The following SGK3 variants were observed in gnomAD, a reference collection of about 807,000 sequenced individuals.
The protein encoded by SGK3 is serine/threonine-protein kinase Sgk3.
SGK3 carries 47 observed loss-of-function variants against 68.5 expected under a neutral mutation model. The observed-to-expected ratio is 0.69, with a 90% CI of 0.54 to 0.87. SGK3 has a LOEUF of 0.87. Among genes scored for constraint, SGK3 ranks in the 40% least tolerant of loss-of-function variants. The pLI is 0.00. For missense variants in SGK3, 479 were observed against 575.5 expected (o/e 0.83, Z 1.72); for synonymous variants, 181 against 189.1 (o/e 0.96, Z 0.35).
intron 5 of SGK3, among the ~76,000 whole-genome samples, chr8:66,820,428 C>T (rs1808765114): frequency 6.6e-6 from 1 of 152,116 alleles, no homozygotes; most frequent in Admixed American, 6.6e-5. Context: ...ATGGATAACA[C>T]CACATTTTGT....
intron 5 of SGK3, among the ~76,000 whole-genome samples, chr8:66,818,278 A>G (rs968829203): frequency 3.0e-4 from 46 of 152,240 alleles, no homozygotes; most frequent in African/African-American, 1.1e-3. Flanking sequence ...TTGACACACC[A>G]AAACAAAACA....
intron 14 of SGK3, among the ~76,000 whole-genome samples, chr8:66,844,030 T>A (rs2130732278): frequency 6.6e-6 from 1 of 151,796 alleles, no homozygotes; most frequent in East Asian, 1.9e-4. Flanking sequence ...CCCTTTTTAT[T>A]TGTTACTAGT....
chr8:66,748,885 T>TTTTATTTA lies in SGK3; in HGVS notation c.-122+36072_-122+36079dup, dbSNP rs199925799. Among the ~76,000 whole-genome samples, 1,205 of 151,748 alleles carry TTTTATTTA rather than the reference T, an allele frequency of 7.9e-3. 24 individuals carry two copies. Among genetic ancestry groups the TTTTATTTA allele is most frequent in the African/African-American group, 0.027 (1,107 of 41,198 alleles). On this transcript the variant is annotated intron_variant, in intron 1 of 16. Coordinates refer to ENST00000521198, the MANE Select transcript of SGK3 (RefSeq NM_001033578.3). ...TATTTCCTGTAAAATTCTCACTAGA[T>TTTTATTTA]TTTATTTATTTATTTATTTATTTAT...
rs77995033 is a variant in SGK3, at chr8:66,817,835, C to T, written c.329+3907C>T. Reference sequence around the variant, plus strand: ...ATTTGACTAATAAAAACTTTGTGCACGGTGGCTCATGCCTTTACTCCCAGC... The same window carrying T: ...ATTTGACTAATAAAAACTTTGTGCATGGTGGCTCATGCCTTTACTCCCAGC... On this transcript the variant is annotated intron_variant, in intron 5 of 16. Coordinates refer to ENST00000521198, the MANE Select transcript of SGK3 (RefSeq NM_001033578.3). Among the ~76,000 whole-genome samples the T allele has an allele frequency of 1.6e-3, 239 of 152,182 alleles. 2 individuals carry two copies. The highest frequency in any genetic ancestry group is 5.6e-3 in the African/African-American group (233 of 41,528).
At chr8:66,847,163 TAA>T (rs1810066517) in intron 14 of SGK3, 28 bp from the exon 15 acceptor site, 2 of 1,585,042 alleles carry the variant, frequency 1.3e-6, no homozygotes, top group Admixed American at 1.9e-5. Flanking sequence ...TGTTTACCAC[TAA>T]GTTTATTTTG....
intron 1 of SGK3, among the ~76,000 whole-genome samples, chr8:66,787,312 A>G (rs1807249554): frequency 6.6e-6 from 1 of 152,224 alleles, no homozygotes; most frequent in African/African-American, 2.4e-5. Context: ...AAGGAATAAA[A>G]ATAAATTCAA....
intron 16 of SGK3, among the ~76,000 whole-genome samples, chr8:66,856,206 T>G (rs747873641): frequency 6.6e-6 from 1 of 152,102 alleles, no homozygotes; most frequent in Non-Finnish European, 1.5e-5. Context: ...TAGCTGAGAC[T>G]ACAATAGCTG....
intron 1 of SGK3, among the ~76,000 whole-genome samples, chr8:66,788,253 G>A (rs1374888095): frequency 1.3e-5 from 2 of 152,208 alleles, no homozygotes; most frequent in African/African-American, 4.8e-5. Context: ...GTACCAAGTG[G>A]ATTACTGCTG....
intron 4 of SGK3, among the ~76,000 whole-genome samples, chr8:66,804,905 C>T (rs937095847): frequency 1.3e-5 from 2 of 151,892 alleles, no homozygotes; most frequent in African/African-American, 4.8e-5. Flanking sequence ...GCCTGGGCAA[C>T]CTCATCTCTA....
chr8:66,789,314 G>C (rs1380403031), intron 1 of SGK3, among the ~76,000 whole-genome samples: 1 of 152,092 alleles, frequency 6.6e-6, no homozygotes, highest in Non-Finnish European at 1.5e-5. Context: ...TTTGATAGTG[G>C]TACTGATTTC....
chr8:66,840,989 G>C, intron 12 of SGK3, 35 bp from the exon 13 acceptor site: 1 of 1,400,874 alleles, frequency 7.1e-7, no homozygotes, highest in Non-Finnish European at 9.7e-7. Context: ...TCATATTTAT[G>C]CATTGTTTTA....
chr8:66,757,930 T>TAC (rs1031028134), intron 1 of SGK3, among the ~76,000 whole-genome samples: 1 of 143,078 alleles, frequency 7.0e-6, no homozygotes, highest in Non-Finnish European at 1.5e-5. Context: ...AAAAAGTGTA[T>TAC]ATATATATAT....
At chr8:66,723,494 A>C (rs1412530156) in intron 1 of SGK3, among the ~76,000 whole-genome samples, 1 of 152,076 alleles carries the variant, frequency 6.6e-6, no homozygotes, top group Non-Finnish European at 1.5e-5. Flanking sequence ...CGTAAGCTGG[A>C]GTGCAGTGGT....
At chr8:66,849,439 T>C (rs914352071) in intron 15 of SGK3, among the ~76,000 whole-genome samples, 1 of 152,152 alleles carries the variant, frequency 6.6e-6, no homozygotes, top group African/African-American at 2.4e-5. Context: ...CCTGAATCTT[T>C]CCCATATCCA....
rs925394991 is a variant in SGK3, at chr8:66,826,128, A to G, written c.418-2526A>G. On this transcript the variant is annotated intron_variant, in intron 6 of 16. Coordinates refer to ENST00000521198, the MANE Select transcript of SGK3 (RefSeq NM_001033578.3). ...GCTGGGACTACAGGCGCACGCCACCACGCCAAGCTAATTTTTGTATTTTTA... is the reference window on the plus strand; with the variant it reads ...GCTGGGACTACAGGCGCACGCCACCGCGCCAAGCTAATTTTTGTATTTTTA... Among the ~76,000 whole-genome samples, 144 of 152,034 alleles carry G rather than the reference A, an allele frequency of 9.5e-4. 4 individuals carry two copies. The highest frequency in any genetic ancestry group is 9.4e-3 in the Admixed American group (143 of 15,260).
intron 16 of SGK3, among the ~76,000 whole-genome samples, chr8:66,853,369 T>TA (rs1810371529): frequency 6.6e-6 from 1 of 152,212 alleles, no homozygotes; most frequent in Non-Finnish European, 1.5e-5. Flanking sequence ...CATAATAACT[T>TA]ATGATTGCAT....
chr8:66,804,344 G>A, intron 3 of SGK3, 31 bp from the exon 4 acceptor site: 1 of 1,566,064 alleles, frequency 6.4e-7, no homozygotes, highest in Non-Finnish European at 8.7e-7. Flanking sequence ...TATAAAATTA[G>A]TTCATATAAT....
At chr8:66,802,672 AAAG>A (rs1234600654) in intron 3 of SGK3, among the ~76,000 whole-genome samples, 2 of 151,508 alleles carry the variant, frequency 1.3e-5, no homozygotes, top group Admixed American at 1.3e-4. Flanking sequence ...TTAAGGGAAA[AAAG>A]AAAGAAAGAG....
At chr8:66,789,349 T>C (rs1467804586) in intron 1 of SGK3, among the ~76,000 whole-genome samples, 3 of 152,228 alleles carry the variant, frequency 2.0e-5, no homozygotes, top group African/African-American at 7.2e-5. Flanking sequence ...GGAAGTGGTA[T>C]AGTTTTTGGT....
Sources: allele counts gnomAD v4.1 joint callset (sites outside exome capture counted in the v4.1 genomes callset), GRCh38; gene constraint gnomAD v4.1.1; transcripts MANE v1.5; gene names NCBI Gene and HGNC (gene_info 2026-07-23, HGNC 2026-07-21).